Variants in HUWE1 observed in about 807,000 individuals in gnomAD.
HUWE1 encodes the protein E3 ubiquitin-protein ligase HUWE1.
In HUWE1, 18 loss-of-function variants were observed where a neutral mutation model predicts 299.4. That is an observed-to-expected ratio of 0.06 (90% CI 0.04 to 0.09). The LOEUF is 0.09. HUWE1 is among the 10% of genes least tolerant of loss of function. The pLI is 1.00. For synonymous variants in HUWE1, 1,317 were observed against 1,286.1 expected (o/e 1.02, Z -0.51); for missense variants, 1,832 against 3,462.3 (o/e 0.53, Z 11.82).
intron 3 of HUWE1, among the ~76,000 whole-genome samples, chrX:53,677,502 C>G (rs1569516120): frequency 9.3e-6 from 1 of 107,940 alleles, no homozygotes; most frequent in African/African-American, 3.4e-5. Flanking sequence ...GAATCTAGCT[C>G]CAGAGTCCAT....
intron 80 of HUWE1, 58 bp from the exon 81 acceptor site, chrX:53,535,559 T>C: frequency 1.3e-6 from 1 of 786,381 alleles, no homozygotes; most frequent in Non-Finnish European, 1.9e-6. Context: ...TGGGATTAGA[T>C]ACCTAGGAAC....
intron 47 of HUWE1, 43 bp downstream of exon 47, chrX:53,573,706 TG>T: frequency 9.5e-7 from 1 of 1,058,144 alleles, no homozygotes; most frequent in South Asian, 1.9e-5. Context: ...ACCCAAATGA[TG>T]GAAGTACAGT....
intron 77 of HUWE1, 70 bp from the exon 78 acceptor site, chrX:53,537,766 A>G: frequency 9.6e-7 from 1 of 1,040,537 alleles, no homozygotes. Flanking sequence ...GTGATTAGGA[A>G]GAAGACCCAC....
At chrX:53,586,239 T>C (rs1298696693) in intron 39 of HUWE1, among the ~76,000 whole-genome samples, 2 of 111,999 alleles carry the variant, frequency 1.8e-5, no homozygotes, top group African/African-American at 6.5e-5. Context: ...TGCTTTTTGG[T>C]AGGATTGCTG....
At position 53,560,262 on chromosome X, in the gene HUWE1, C is replaced by T. The variant is rs377597967; in HGVS notation, c.7662G>A (p.Thr2554=). ...GRSQRTLRQL[T]ANTGHTIHVH... is the part of the protein sequence containing the mutation. The stretch of plus-strand genomic sequence containing the variant: ...CATGAATGGTGTGGCCAGTATTGGC[C>T]GTCAGCTGCCTTAGGGTCCTCTGAC... The change falls in exon 56 of 84, where the codon ACG becomes ACA. Residue 2554 remains threonine, a synonymous_variant. Transcript: ENST00000262854. The T allele has an allele frequency of 1.3e-5, 16 of 1,208,219 alleles. No individual in the cohort carries two copies. The South Asian group carries it at 1.4e-4, about 11-fold the overall frequency.
intron 7 of HUWE1, among the ~76,000 whole-genome samples, 178 bp downstream of exon 7, chrX:53,645,133 T>C (rs1159528937): frequency 8.9e-6 from 1 of 112,251 alleles, no homozygotes; most frequent in Non-Finnish European, 1.9e-5. Context: ...TCCTTCAAAA[T>C]TACTTAATAA....
chrX:53,589,208 C>G (rs953404570), intron 36 of HUWE1, among the ~76,000 whole-genome samples: 1 of 111,941 alleles, frequency 8.9e-6, no homozygotes, highest in East Asian at 2.8e-4. Context: ...AAGTATTCAT[C>G]AGGATGGGGA....
intron 3 of HUWE1, among the ~76,000 whole-genome samples, chrX:53,675,722 G>A: frequency 9.0e-6 from 1 of 111,541 alleles, no homozygotes; most frequent in Non-Finnish European, 1.9e-5. Flanking sequence ...CTATACTTTA[G>A]ATATTATGTG....
At chrX:53,643,958 G>A (rs1403216597) in intron 7 of HUWE1, among the ~76,000 whole-genome samples, 6 of 110,479 alleles carry the variant, frequency 5.4e-5, no homozygotes, top group Non-Finnish European at 1.1e-4. Flanking sequence ...CAAGTAACTG[G>A]GACCACAGGG....
At chrX:53,537,899 A>C (rs1395601165) in intron 77 of HUWE1, among the ~76,000 whole-genome samples, 1 of 111,219 alleles carries the variant, frequency 9.0e-6, no homozygotes, top group Non-Finnish European at 1.9e-5. Context: ...ACCTCCACTG[A>C]GTAAGGGCCC....
At chrX:53,641,729 A>T (rs189574628) in intron 7 of HUWE1, among the ~76,000 whole-genome samples, 1 of 112,077 alleles carries the variant, frequency 8.9e-6, no homozygotes, top group East Asian at 2.8e-4. Context: ...ATCACTTTTT[A>T]AACATTTCCT....
chrX:53,575,472 GA>G (rs1182473145), intron 45 of HUWE1, among the ~76,000 whole-genome samples, 170 bp downstream of exon 45: 1 of 111,039 alleles, frequency 9.0e-6, no homozygotes, highest in African/African-American at 3.3e-5. Context: ...TCCTAGGAGA[GA>G]AAAAAAAGTC....
chrX:53,635,867 C>G (rs1557026114), intron 7 of HUWE1, among the ~76,000 whole-genome samples: 1 of 111,229 alleles, frequency 9.0e-6, no homozygotes, highest in Non-Finnish European at 1.9e-5. Flanking sequence ...CACAAAGGTA[C>G]CTACTATAGA....
At chrX:53,537,355 C>A (rs2061112302) in intron 78 of HUWE1, 8 of 466,517 alleles carry the variant, frequency 1.7e-5, no homozygotes, top group Non-Finnish European at 3.0e-5. Flanking sequence ...TGTTGGGTAG[C>A]TTAGCTAAAG....
intron 58 of HUWE1, 40 bp downstream of exon 58, chrX:53,558,931 G>A: frequency 1.7e-6 from 2 of 1,172,989 alleles, no homozygotes; most frequent in South Asian, 3.6e-5. Context: ...CCTAGCTCTG[G>A]AAGGCTCACT....
intron 28 of HUWE1, among the ~76,000 whole-genome samples, chrX:53,600,664 G>A (rs55939716): frequency 8.9e-6 from 1 of 112,569 alleles, no homozygotes; most frequent in Non-Finnish European, 1.9e-5. Flanking sequence ...GTTATAGCTT[G>A]TTAAGTTCAA....
intron 36 of HUWE1, 70 bp from the exon 37 acceptor site, chrX:53,588,604 A>G: frequency 9.7e-7 from 1 of 1,034,783 alleles, no homozygotes; most frequent in Non-Finnish European, 1.3e-6. Flanking sequence ...AATATTCTCA[A>G]CCTTTTAAAA....
At chrX:53,558,897 G>C in intron 58 of HUWE1, 74 bp downstream of exon 58, 1 of 1,177,745 alleles carries the variant, frequency 8.5e-7, no homozygotes, top group Non-Finnish European at 1.2e-6. Flanking sequence ...AGAGAACCAG[G>C]GAAACAACTC....
chrX:53,636,693 G>A (rs1292134126), intron 7 of HUWE1, among the ~76,000 whole-genome samples: 1 of 112,228 alleles, frequency 8.9e-6, no homozygotes, highest in Non-Finnish European at 1.9e-5. Flanking sequence ...CTGCACTCCA[G>A]CCTGGGCAAC....
Sources: gnomAD v4.1 joint callset for allele counts (sites outside exome capture counted in the v4.1 genomes callset) on GRCh38, gnomAD v4.1.1 for gene constraint, MANE v1.5 for transcripts, NCBI Gene and HGNC (gene_info 2026-07-23, HGNC 2026-07-21) for gene names.